PPP3CB: variants seen among roughly 807,000 people sequenced by gnomAD.
The protein encoded by PPP3CB is serine/threonine-protein phosphatase 2B catalytic subunit beta isoform.
In PPP3CB, 8 loss-of-function variants were observed where a neutral mutation model predicts 66.4. That is an observed-to-expected ratio of 0.12 (90% CI 0.07 to 0.22). The LOEUF (loss-of-function observed/expected upper bound fraction) is 0.22, where lower values mean the gene tolerates loss of function less well. PPP3CB is among the 10% of genes least tolerant of loss of function. The pLI, the probability that PPP3CB is intolerant of heterozygous loss-of-function variation, is 1.00. For synonymous variants in PPP3CB, 208 were observed against 221.2 expected, an observed-to-expected ratio of 0.94 and a Z score of 0.53; for missense variants, 319 against 642.5, an observed-to-expected ratio of 0.50 and a Z score of 5.44.
At chr10:73,457,423 G>C (rs1027064520) in intron 9 of PPP3CB, among the ~76,000 whole-genome samples, 1 of 151,968 alleles carries the variant, frequency 6.6e-6, no homozygotes, top group Non-Finnish European at 1.5e-5. Context: ...ATGATGGAGT[G>C]AAAGCCTAAA....
At chr10:73,470,846 A>G in intron 7 of PPP3CB, 41 bp downstream of exon 7, 1 of 1,591,966 alleles carries the variant, frequency 6.3e-7, no homozygotes, top group Non-Finnish European at 8.6e-7. Context: ...TTTGATTTAT[A>G]TTTTAGGTGT....
chr10:73,495,918 G>C lies in PPP3CB; in HGVS notation c.-29C>G, dbSNP rs2057219528. On this transcript the variant is annotated 5_prime_UTR_variant, in exon 1 of 14. Transcript: ENST00000360663. The stretch of plus-strand genomic sequence containing the variant: ...GGGCCCGGGGCTCGGCTAGGCTCTG[G>C]GCCGGGCGGGGTTGGGGGCGGGGGC... 1 of 1,139,920 alleles carries C rather than the reference G, an allele frequency of 8.8e-7. No individual in the cohort carries two copies. The highest frequency in any genetic ancestry group is 1.6e-5 in the African/African-American group (1 of 61,520). The allele number at this position is 1,139,920 out of a possible 1,614,324, so 70.6% of individuals were successfully genotyped here.
At chr10:73,474,611 T>G (rs902925398) in intron 4 of PPP3CB, among the ~76,000 whole-genome samples, 1 of 151,560 alleles carries the variant, frequency 6.6e-6, no homozygotes, top group Non-Finnish European at 1.5e-5. Context: ...TTTTTTTTTT[T>G]GTATTTTTGG....
intron 9 of PPP3CB, among the ~76,000 whole-genome samples, chr10:73,455,130 G>A (rs915806395): frequency 4.0e-5 from 6 of 151,510 alleles, no homozygotes; most frequent in African/African-American, 7.3e-5. Flanking sequence ...TGATCCACCC[G>A]CCTTGGCCTC....
At chr10:73,440,564 G>A (rs892658360) in intron 12 of PPP3CB, among the ~76,000 whole-genome samples, 1 of 152,178 alleles carries the variant, frequency 6.6e-6, no homozygotes, top group Non-Finnish European at 1.5e-5. Flanking sequence ...GACTTCTCCT[G>A]TCTACCAGTA....
intron 4 of PPP3CB, among the ~76,000 whole-genome samples, chr10:73,471,934 G>A (rs534587194): frequency 6.6e-6 from 1 of 152,160 alleles, no homozygotes; most frequent in Non-Finnish European, 1.5e-5. Context: ...TAGTGGTAGT[G>A]GGCAACTCTA....
chr10:73,463,365 C>T (rs1004317540), intron 9 of PPP3CB, among the ~76,000 whole-genome samples: 6 of 152,220 alleles, frequency 3.9e-5, no homozygotes, highest in Non-Finnish European at 7.3e-5. Flanking sequence ...ATCTCAATGG[C>T]TTGCTCACCA....
intron 4 of PPP3CB, among the ~76,000 whole-genome samples, chr10:73,472,151 T>A (rs2132933987): frequency 6.6e-6 from 1 of 152,330 alleles, no homozygotes; most frequent in South Asian, 2.1e-4. Flanking sequence ...CTAAAATTAT[T>A]TTGGATGACA....
intron 1 of PPP3CB, among the ~76,000 whole-genome samples, chr10:73,482,307 G>A (rs969746959): frequency 8.6e-5 from 13 of 151,654 alleles, no homozygotes; most frequent in African/African-American, 3.1e-4. Context: ...CACTTTGGAA[G>A]GCCAAGACGG....
At chr10:73,472,287 G>A (rs990181545) in intron 4 of PPP3CB, among the ~76,000 whole-genome samples, 2 of 152,128 alleles carry the variant, frequency 1.3e-5, no homozygotes, top group African/African-American at 2.4e-5. Context: ...TTGAGGCCAG[G>A]AGTTTGAGAC....
At chr10:73,468,545 A>C (rs1299305010) in intron 8 of PPP3CB, among the ~76,000 whole-genome samples, 1 of 152,236 alleles carries the variant, frequency 6.6e-6, no homozygotes, top group Non-Finnish European at 1.5e-5. Flanking sequence ...CCTACCACAG[A>C]AGTTTAAGAT....
At chr10:73,475,779 T>C (rs1009529822) in intron 3 of PPP3CB, among the ~76,000 whole-genome samples, 3 of 152,252 alleles carry the variant, frequency 2.0e-5, no homozygotes, top group Non-Finnish European at 4.4e-5. Context: ...ACTCACATTT[T>C]ACTTATTTGC....
At chr10:73,458,903 C>A (rs779910807) in intron 9 of PPP3CB, among the ~76,000 whole-genome samples, 2 of 151,830 alleles carry the variant, frequency 1.3e-5, no homozygotes, top group African/African-American at 4.8e-5. Context: ...AACCCCGTCA[C>A]TACTAAAAAA....
At position 73,446,509 on chromosome 10, in the gene PPP3CB, T is replaced by C; in HGVS notation, c.1251A>G (p.Arg417=). The part of the protein sequence containing the change: ...NKIRAIGKMA[R]VFSVLREESE... ...ATCATTACCTGAGAACAGAGAAGAC[T>C]CTTGCCATCTTGCCAATTGCTCGAA... Residue 417 remains arginine, a synonymous_variant, in exon 11 of 14, where the codon AGA becomes AGG. Coordinates refer to ENST00000360663, the MANE Select transcript of PPP3CB (RefSeq NM_021132.4). 6.2e-7 allele frequency: 1 copy of C among 1,611,852 alleles called. No individual in the cohort carries two copies. The highest frequency in any genetic ancestry group is 8.5e-7 in the Non-Finnish European group (1 of 1,177,926).
chr10:73,438,285 T>C lies in PPP3CB; in HGVS notation c.1532A>G (p.His511Arg). ...GCCCGTCCCGTGGTTCTCAGTGGCATGTGCGGTGTTCAGAGAATTGAAACC... is the reference window on the plus strand; with the variant it reads ...GCCCGTCCCGTGGTTCTCAGTGGCACGTGCGGTGTTCAGAGAATTGAAACC... ...QDGFNSLNTA[H>R]ATENHGTGNH... The change falls in exon 14 of 14, where the codon CAT becomes CGT. Residue 511 changes from histidine to arginine, a missense_variant. His to Arg is a conservative substitution (Grantham distance 29). Around this residue, in one of 5 missense-constraint regions of PPP3CB, gnomAD observed 25 missense variants for 26.4 expected, o/e 0.95. Transcript: ENST00000360663. 1 of 1,614,158 alleles carries C rather than the reference T, an allele frequency of 6.2e-7. No homozygotes were observed. Among genetic ancestry groups the C allele is most frequent in the Non-Finnish European group, 8.5e-7 (1 of 1,180,024 alleles).
chr10:73,447,893 C>CAA (rs781343549), intron 10 of PPP3CB, among the ~76,000 whole-genome samples: 5 of 128,526 alleles, frequency 3.9e-5, no homozygotes, highest in Non-Finnish European at 8.5e-5. Flanking sequence ...TTTAAAATAC[C>CAA]AAAAAAAAAA....
At position 73,443,034 on chromosome 10, in the gene PPP3CB, A is replaced by T. The variant is rs550077437; in HGVS notation, c.1366+1691T>A. Among the ~76,000 whole-genome samples the T allele has an allele frequency of 1.7e-4, 25 of 150,788 alleles. No homozygotes were observed. In the South Asian group the frequency reaches 5.0e-3, roughly 30 times the overall value. On this transcript the variant is annotated intron_variant, in intron 12 of 13. Coordinates refer to ENST00000360663, the MANE Select transcript of PPP3CB (RefSeq NM_021132.4). ...ACAAAAATATAAAAAAATAAAAAAT[A>T]AAAAAAATAAAAAAAATTAGCTGGC...
chr10:73,475,644 T>C (rs1400094873), intron 3 of PPP3CB, among the ~76,000 whole-genome samples: 1 of 152,238 alleles, frequency 6.6e-6, no homozygotes, highest in Non-Finnish European at 1.5e-5. Flanking sequence ...TTATGAATAT[T>C]GCCTTACATA....
intron 12 of PPP3CB, 38 bp downstream of exon 12, chr10:73,444,687 G>A: frequency 4.3e-6 from 7 of 1,613,550 alleles, no homozygotes; most frequent in Non-Finnish European, 5.9e-6. Flanking sequence ...GTGTGCCCCA[G>A]TCCATCTGAG....
Sources: gnomAD v4.1 joint callset for allele counts (sites outside exome capture counted in the v4.1 genomes callset) on GRCh38, gnomAD v4.1.1 for gene constraint, gnomAD v4.1.1 regional missense constraint, MANE v1.5 for transcripts, NCBI Gene and HGNC (gene_info 2026-07-23, HGNC 2026-07-21) for gene names.